The following SGSM1 variants were observed in gnomAD, a reference collection of about 807,000 sequenced individuals.
SGSM1 encodes the protein RUN and TBC1 domain containing 2.
Under a neutral mutation model 133.8 loss-of-function variants are expected in SGSM1, and 73 were observed. That is an observed-to-expected ratio of 0.55 (90% confidence interval 0.45 to 0.66). SGSM1 has a LOEUF of 0.66. Ranked by LOEUF, SGSM1 falls within the 30% of genes least tolerant of loss-of-function variation. The probability of loss-of-function intolerance (pLI) is 0.00; values close to 1 mark genes in which losing one functional copy is unlikely to be tolerated. For synonymous variants in SGSM1, 563 were observed against 573.0 expected (o/e 0.98, Z 0.25); for missense variants, 1,213 against 1,448.1 (o/e 0.84, Z 2.64).
At chr22:24,839,801 G>GT (rs1453373050) in intron 2 of SGSM1, among the ~76,000 whole-genome samples, 1 of 151,646 alleles carries the variant, frequency 6.6e-6, no homozygotes, top group Admixed American at 6.6e-5. Context: ...TCTTATAATG[G>GT]TTTTTTCTGT....
Position 24,855,396 on chromosome 22 carries a change from G to A in SGSM1, c.635G>A (p.Arg212Gln), listed in dbSNP as rs776649283. Residue 212 changes from arginine to glutamine, a missense_variant, in exon 7 of 25, where the codon CGG (arginine) becomes CAG (glutamine). Coordinates refer to ENST00000400358, the MANE Select transcript of SGSM1 (RefSeq NM_001098497.3). ...CACCGCATCCACAGCTCCCACGTGC[G>A]GCAGGACTCGCCCACCAAGCGTCCT... The part of the protein sequence containing the change: ...QRHRIHSSHV[R>Q]QDSPTKRPAL... 14 of 1,613,560 alleles carry A rather than the reference G, an allele frequency of 8.7e-6. No individual in the cohort carries two copies. The highest frequency in any genetic ancestry group is 1.3e-5 in the African/African-American group (1 of 75,006).
chr22:24,892,598 A>G (rs113328958), intron 16 of SGSM1, among the ~76,000 whole-genome samples: 2 of 152,112 alleles, frequency 1.3e-5, no homozygotes, highest in African/African-American at 4.8e-5. Flanking sequence ...GATTGAGTGG[A>G]TAGGTGGGGG....
chr22:24,917,273 A>G (rs181033026), intron 22 of SGSM1, among the ~76,000 whole-genome samples: 1 of 152,184 alleles, frequency 6.6e-6, no homozygotes, highest in East Asian at 1.9e-4. Context: ...GAACTACCAC[A>G]CTGTTTTCCA....
At chr22:24,912,923 C>G (rs1007108282) in intron 22 of SGSM1, among the ~76,000 whole-genome samples, 171 bp downstream of exon 22, 5 of 152,016 alleles carry the variant, frequency 3.3e-5, no homozygotes, top group Non-Finnish European at 4.4e-5. Flanking sequence ...GTTTTCTTAT[C>G]TGGGAAATAG....
At chr22:24,813,395 G>A (rs1927863180) in intron 2 of SGSM1, among the ~76,000 whole-genome samples, 1 of 152,176 alleles carries the variant, frequency 6.6e-6, no homozygotes, top group Admixed American at 6.5e-5. Context: ...CAGATCATCA[G>A]ATAAGACAGG....
intron 15 of SGSM1, 91 bp downstream of exon 15, chr22:24,884,289 G>A: frequency 2.7e-6 from 4 of 1,463,432 alleles, no homozygotes; most frequent in Non-Finnish European, 3.7e-6. Flanking sequence ...TGCTTGTGGG[G>A]ACTTGAGCTG....
At chr22:24,831,808 A>C (rs1929134800) in intron 2 of SGSM1, among the ~76,000 whole-genome samples, 1 of 152,184 alleles carries the variant, frequency 6.6e-6, no homozygotes, top group African/African-American at 2.4e-5. Flanking sequence ...TAATACAGAG[A>C]AGTAAAAGTC....
Position 24,879,519 on chromosome 22 carries a change from C to A in SGSM1, c.1488C>A (p.Phe496Leu), listed in dbSNP as rs1446494064. Residue 496 changes from phenylalanine to leucine, a missense_variant, in exon 14 of 25, where the codon TTC becomes TTA. By Grantham distance (22) the Phe-to-Leu change is conservative. Transcript: ENST00000400358. Reference protein sequence around the residue: ...NMKYQILSRAFYGWLAYCRHL... With the variant: ...NMKYQILSRALYGWLAYCRHL... The stretch of plus-strand genomic sequence containing the variant: ...AGTACCAGATCCTCTCCAGAGCCTT[C>A]TATGGATGTACGTATAGGGCTCCAT... 1.9e-6 allele frequency: 3 copies of A among 1,613,424 alleles called. No homozygotes were observed. The African/African-American group carries it at 4.0e-5, about 22-fold the overall frequency.
chr22:24,905,178 C>A lies in SGSM1; in HGVS notation c.2809C>A (p.Leu937Met), dbSNP rs1264589028. The A allele has an allele frequency of 6.2e-7, 1 of 1,613,850 alleles. No homozygotes were observed. Among genetic ancestry groups the A allele is most frequent in the African/African-American group, 1.3e-5 (1 of 74,916 alleles). Residue 937 changes from leucine (L) to methionine (M), a missense_variant, in exon 21 of 25, where the codon CTG becomes ATG. Physicochemically the swap from Leu to Met is conservative, Grantham distance 15. Transcript: ENST00000400358. ...TCTTCTGGCTCCACTGCTGGTCATT[C>A]TGGATGATGGTGAGTGTGTCTTTAC... ...CDLLAPLLVI[L>M]DDEALAFSCF...
In SGSM1 at chr22:24,850,282, G is replaced by C. The variant is rs1165480807; in HGVS notation, c.305G>C (p.Arg102Thr). The C allele has an allele frequency of 6.3e-7, 1 of 1,589,570 alleles. No homozygotes were observed. Residue 102 changes from arginine to threonine, a missense_variant and splice_region_variant, in exon 5 of 25, where the codon AGA (arginine) becomes ACA (threonine). Coordinates refer to ENST00000400358, the MANE Select transcript of SGSM1 (RefSeq NM_001098497.3). ...QDLEQLIESA[R>T]NQIQGLQENV... ...CCCGTCTTTTATTGGTCTTGAAGGA[G>C]AAACCAGATTCAAGGCCTCCAGGAG...
At chr22:24,890,320 C>T (rs923982030) in intron 16 of SGSM1, among the ~76,000 whole-genome samples, 2 of 152,120 alleles carry the variant, frequency 1.3e-5, no homozygotes, top group African/African-American at 2.4e-5. Flanking sequence ...ATAACTCCAT[C>T]GTAAGTCGAG....
At chr22:24,907,332 T>G (rs1240473857) in intron 21 of SGSM1, among the ~76,000 whole-genome samples, 1 of 151,898 alleles carries the variant, frequency 6.6e-6, no homozygotes, top group East Asian at 1.9e-4. Flanking sequence ...ATGAGTAAAC[T>G]TAACAGAAAT....
At chr22:24,866,818 T>G (rs886474135) in intron 9 of SGSM1, among the ~76,000 whole-genome samples, 1 of 152,070 alleles carries the variant, frequency 6.6e-6, no homozygotes, top group Non-Finnish European at 1.5e-5. Context: ...CAGGCCTGGG[T>G]CAGGTGGCCA....
intron 12 of SGSM1, among the ~76,000 whole-genome samples, 155 bp downstream of exon 12, chr22:24,869,010 C>T (rs1429731133): frequency 6.6e-6 from 1 of 151,258 alleles, no homozygotes; most frequent in African/African-American, 2.4e-5. Flanking sequence ...CCTCAGTTTC[C>T]CCCCAAATAA....
chr22:24,845,709 A>C (rs1930055267), intron 3 of SGSM1, among the ~76,000 whole-genome samples: 1 of 152,124 alleles, frequency 6.6e-6, no homozygotes, highest in Non-Finnish European at 1.5e-5. Context: ...CTGCCGTCCA[A>C]ATGGCTGGGG....
intron 21 of SGSM1, 34 bp from the exon 22 acceptor site, chr22:24,912,609 C>A: frequency 7.1e-7 from 1 of 1,401,832 alleles, no homozygotes; most frequent in Non-Finnish European, 1.0e-6. Context: ...ACTTGGGCAG[C>A]GGGGCATCTG....
chr22:24,854,394 GCCT>G (rs1164402416), intron 5 of SGSM1, among the ~76,000 whole-genome samples: 1 of 152,172 alleles, frequency 6.6e-6, no homozygotes, highest in Non-Finnish European at 1.5e-5. Flanking sequence ...AGTCAGCCAG[GCCT>G]CCACAACCTG....
chr22:24,848,466 G>A (rs1175646992), intron 4 of SGSM1, among the ~76,000 whole-genome samples: 1 of 152,162 alleles, frequency 6.6e-6, no homozygotes, highest in Non-Finnish European at 1.5e-5. Context: ...GAATGGGGGA[G>A]GTGGCTTCCC....
intron 21 of SGSM1, among the ~76,000 whole-genome samples, chr22:24,911,937 C>T (rs1489227352): frequency 6.6e-6 from 1 of 151,876 alleles, no homozygotes; most frequent in Non-Finnish European, 1.5e-5. Flanking sequence ...CGCCTGTAGT[C>T]CCAGCTACTT....
Sources: allele counts gnomAD v4.1 joint callset (sites outside exome capture counted in the v4.1 genomes callset), GRCh38; gene constraint gnomAD v4.1.1; transcripts MANE v1.5; gene names NCBI Gene and HGNC (gene_info 2026-07-23, HGNC 2026-07-21).